ME3: variants seen among roughly 807,000 people sequenced by gnomAD.
ME3 encodes NADP-dependent malic enzyme, mitochondrial.
ME3 carries 48 observed loss-of-function variants against 68.9 expected under a neutral mutation model. The ratio of observed to expected loss-of-function variants is 0.70; its 90% CI spans 0.55 to 0.89. The LOEUF (loss-of-function observed/expected upper bound fraction) is 0.89. Among genes scored for constraint, ME3 ranks in the 40% least tolerant of loss-of-function variants. ME3 has a pLI of 0.00. For synonymous variants in ME3, 320 were observed against 318.8 expected (o/e 1.00, Z -0.04); for missense variants, 675 against 797.4 (o/e 0.85, Z 1.85).
intron 2 of ME3, among the ~76,000 whole-genome samples, chr11:86,604,373 G>T (rs932126601): frequency 1.3e-5 from 2 of 152,112 alleles, no homozygotes; most frequent in Non-Finnish European, 2.9e-5. Flanking sequence ...AGTCCATTCA[G>T]ATGGTTGTGG....
intron 2 of ME3, among the ~76,000 whole-genome samples, chr11:86,629,856 C>G (rs1206457208): frequency 6.6e-6 from 1 of 152,174 alleles, no homozygotes; most frequent in Non-Finnish European, 1.5e-5. Context: ...TGGCTGAGAA[C>G]TTGTGATTGA....
chr11:86,609,115 AG>A (rs1336735003), intron 2 of ME3, among the ~76,000 whole-genome samples: 11 of 152,194 alleles, frequency 7.2e-5, no homozygotes, highest in Non-Finnish European at 7.3e-5. Context: ...CCTTCATACA[AG>A]GTCATGCAGC....
chr11:86,583,838 G>A (rs1594544798), intron 2 of ME3, among the ~76,000 whole-genome samples: 1 of 152,268 alleles, frequency 6.6e-6, no homozygotes, highest in African/African-American at 2.4e-5. Flanking sequence ...GATGTAAAAT[G>A]TAAGACCTGA....
chr11:86,623,934 G>A (rs1158860616), intron 2 of ME3, among the ~76,000 whole-genome samples: 3 of 152,072 alleles, frequency 2.0e-5, no homozygotes, highest in Admixed American at 6.6e-5. Context: ...ACACACATAT[G>A]CCCACTCCCT....
At chr11:86,578,824 C>A (rs769192349) in intron 2 of ME3, among the ~76,000 whole-genome samples, 1 of 152,084 alleles carries the variant, frequency 6.6e-6, no homozygotes, top group Non-Finnish European at 1.5e-5. Flanking sequence ...GTCTACAAAG[C>A]AGTTTTATTT....
intron 2 of ME3, among the ~76,000 whole-genome samples, chr11:86,658,626 G>A (rs963448150): frequency 6.6e-6 from 1 of 152,134 alleles, no homozygotes; most frequent in Non-Finnish European, 1.5e-5. Flanking sequence ...GAGTGGCTAA[G>A]GATGCTTGGA....
intron 2 of ME3, among the ~76,000 whole-genome samples, chr11:86,657,633 A>C (rs866016783): frequency 1.3e-5 from 2 of 152,184 alleles, no homozygotes; most frequent in South Asian, 2.1e-4. Flanking sequence ...AAAAAAAGAT[A>C]ATGCAGCCCT....
intron 2 of ME3, among the ~76,000 whole-genome samples, chr11:86,602,449 A>T (rs887178365): frequency 6.6e-6 from 1 of 152,316 alleles, no homozygotes; most frequent in Middle Eastern, 3.4e-3. Context: ...TCAATGAAAT[A>T]AAAGAGGATA....
chr11:86,561,068 C>A (rs776748797), intron 2 of ME3, among the ~76,000 whole-genome samples: 2 of 151,952 alleles, frequency 1.3e-5, no homozygotes, highest in African/African-American at 4.8e-5. Flanking sequence ...TGATACGGAC[C>A]TTGATCAGTG....
intron 4 of ME3, among the ~76,000 whole-genome samples, chr11:86,545,506 C>T (rs1956307857): frequency 6.6e-6 from 1 of 152,184 alleles, no homozygotes; most frequent in African/African-American, 2.4e-5. Flanking sequence ...AAATCACAAG[C>T]ATTGCTATAT....
chr11:86,450,442 C>A, intron 8 of ME3, 44 bp from the exon 9 acceptor site: 1 of 1,543,012 alleles, frequency 6.5e-7, no homozygotes, highest in South Asian at 1.1e-5. Context: ...CACAGGCCGC[C>A]AGCTCCCAAG....
intron 11 of ME3, among the ~76,000 whole-genome samples, chr11:86,447,891 A>T (rs1459157687): frequency 1.0e-5 from 1 of 98,796 alleles, no homozygotes; most frequent in Non-Finnish European, 2.8e-5. Context: ...AGAGAAAGAG[A>T]GAGAGAGACA....
intron 7 of ME3, among the ~76,000 whole-genome samples, chr11:86,474,001 A>C (rs1282130652): frequency 6.6e-6 from 1 of 152,228 alleles, no homozygotes; most frequent in Non-Finnish European, 1.5e-5. Context: ...GATTTCAAAC[A>C]CTGGTTGGAA....
chr11:86,448,168 TCAC>T, exon 11 of ME3: 1 of 1,613,692 alleles, frequency 6.2e-7, no homozygotes. Flanking sequence ...GCTGTGGGCT[TCAC>T]CAGCCTCACC....
chr11:86,467,702 C>A (rs1358458740), intron 7 of ME3, among the ~76,000 whole-genome samples: 1 of 151,822 alleles, frequency 6.6e-6, no homozygotes, highest in Non-Finnish European at 1.5e-5. Context: ...CTCACACACA[C>A]ACACACACAC....
chr11:86,572,931 A>T (rs1325384663), intron 2 of ME3, among the ~76,000 whole-genome samples: 1 of 152,178 alleles, frequency 6.6e-6, no homozygotes, highest in Non-Finnish European at 1.5e-5. Flanking sequence ...CCACAGCCTC[A>T]TCAGCATCTA....
chr11:86,649,601 G>A (rs1345935244), intron 2 of ME3, among the ~76,000 whole-genome samples: 1 of 152,166 alleles, frequency 6.6e-6, no homozygotes, highest in African/African-American at 2.4e-5. Context: ...AAGCTGACAA[G>A]CAACTTCAGT....
intron 4 of ME3, among the ~76,000 whole-genome samples, chr11:86,537,599 G>C (rs1490486901): frequency 1.3e-5 from 2 of 152,194 alleles, no homozygotes; most frequent in African/African-American, 4.8e-5. Context: ...GAAAGGCAAA[G>C]CTGCAGAAAT....
rs566658657 is a variant in ME3 at position 86,523,875 on chromosome 11, C to A, written c.468-15008G>T. Among the ~76,000 whole-genome samples the A allele has an allele frequency of 3.9e-5, 6 of 152,124 alleles. No homozygotes were observed. In the East Asian group the frequency reaches 1.2e-3, roughly 29 times the overall value. Reference sequence around the variant, plus strand: ...TCCAAATAGAATATCACTTCAGAATCTAAAAATTCTAATTCCACAAGTCAC... The same window carrying A: ...TCCAAATAGAATATCACTTCAGAATATAAAAATTCTAATTCCACAAGTCAC... On this transcript the variant is annotated intron_variant, in intron 4 of 14. Coordinates refer to ENST00000543262, the Ensembl canonical transcript of ME3.
Sources: gnomAD v4.1 joint callset for allele counts (sites outside exome capture counted in the v4.1 genomes callset) on GRCh38, gnomAD v4.1.1 for gene constraint, MANE v1.5 for transcripts, NCBI Gene and HGNC (gene_info 2026-07-23, HGNC 2026-07-21) for gene names.